ANKS1B: variants seen among roughly 807,000 people sequenced by gnomAD.
ANKS1B encodes the protein ankyrin repeat and sterile alpha motif domain containing 1B.
A neutral mutation model predicts 148.3 loss-of-function variants in ANKS1B; 36 were observed. The observed-to-expected ratio is 0.24, with a 90% CI of 0.19 to 0.32. The LOEUF (loss-of-function observed/expected upper bound fraction) is 0.32. ANKS1B is among the 10% of genes least tolerant of loss of function. The pLI, the probability that ANKS1B is intolerant of heterozygous loss-of-function variation, is 1.00. For missense variants in ANKS1B, 1,157 were observed against 1,542.6 expected (o/e 0.75, Z 4.19); for synonymous variants, 542 against 560.8 (o/e 0.97, Z 0.47).
At chr12:99,294,923 T>C (rs1469616975) in intron 12 of ANKS1B, among the ~76,000 whole-genome samples, 1 of 152,168 alleles carries the variant, frequency 6.6e-6, no homozygotes, top group East Asian at 1.9e-4. Context: ...AAAGAATTAT[T>C]GCACATTTTA....
chr12:99,180,156 A>C (rs1462943988), intron 14 of ANKS1B, among the ~76,000 whole-genome samples: 1 of 152,036 alleles, frequency 6.6e-6, no homozygotes, highest in South Asian at 2.1e-4. Flanking sequence ...AGGTCCTTTC[A>C]TCTCCTCAGC....
chr12:99,218,484 G>A (rs1358918597), intron 14 of ANKS1B, among the ~76,000 whole-genome samples: 1 of 152,122 alleles, frequency 6.6e-6, no homozygotes, highest in Non-Finnish European at 1.5e-5. Flanking sequence ...GAAACAAGGA[G>A]GCAAGCTAAG....
At chr12:99,071,819 C>T (rs2046374370) in intron 16 of ANKS1B, among the ~76,000 whole-genome samples, 2 of 152,026 alleles carry the variant, frequency 1.3e-5, no homozygotes, top group Admixed American at 6.6e-5. Flanking sequence ...GCTACTTTTG[C>T]TATTTTTAGT....
intron 14 of ANKS1B, among the ~76,000 whole-genome samples, chr12:99,175,770 T>C (rs2078307453): frequency 6.6e-6 from 1 of 152,220 alleles, no homozygotes. Flanking sequence ...GTTGCAGGCT[T>C]CCAGGCTCCA....
At chr12:98,738,775 G>A (rs960282074) in intron 9 of ANKS1B, among the ~76,000 whole-genome samples, 3 of 152,164 alleles carry the variant, frequency 2.0e-5, no homozygotes, top group Admixed American at 1.3e-4. Context: ...GGGTCATAAG[G>A]CTTGGTTTCA....
intron 12 of ANKS1B, among the ~76,000 whole-genome samples, chr12:99,286,580 GA>G (rs1192093165): frequency 6.6e-6 from 1 of 152,244 alleles, no homozygotes; most frequent in East Asian, 1.9e-4. Context: ...AGCCACAGTG[GA>G]GTAGAACATC....
chr12:99,805,281 A>AAAAAAAAAAAAAAAAAAAAAC (rs2067484859), intron 4 of ANKS1B, among the ~76,000 whole-genome samples: 1 of 148,142 alleles, frequency 6.8e-6, no homozygotes, highest in African/African-American at 2.5e-5. Context: ...AAAAAAAAAA[A>AAAAAAAAAAAAAAAAAAAAAC]AAAAAAAGAC....
At chr12:99,053,654 C>T (rs1038632438) in intron 16 of ANKS1B, among the ~76,000 whole-genome samples, 3 of 152,134 alleles carry the variant, frequency 2.0e-5, no homozygotes, top group Non-Finnish European at 4.4e-5. Context: ...AAATTCGATG[C>T]GAAAGTCACC....
intron 4 of ANKS1B, 97 bp downstream of exon 4, chr12:99,806,307 T>G: frequency 6.9e-7 from 1 of 1,449,372 alleles, no homozygotes; most frequent in Non-Finnish European, 9.3e-7. Flanking sequence ...TGTGAACAAT[T>G]TGATTAAAAG....
At chr12:99,149,501 G>A (rs2074258134) in intron 15 of ANKS1B, among the ~76,000 whole-genome samples, 1 of 152,122 alleles carries the variant, frequency 6.6e-6, no homozygotes, top group South Asian at 2.1e-4. Flanking sequence ...TGTAAAGGCT[G>A]CATTTTGAAC....
chr12:98,931,991 C>A (rs1431784659), intron 17 of ANKS1B, among the ~76,000 whole-genome samples: 2 of 152,126 alleles, frequency 1.3e-5, no homozygotes, highest in Non-Finnish European at 2.9e-5. Context: ...TCAGGGGTTG[C>A]CTGACAGAGC....
chr12:98,758,780 C>CTTTTT lies in ANKS1B; in HGVS notation c.3580-7263_3580-7259dup, dbSNP rs59375322. Among the ~76,000 whole-genome samples, 331 of 120,614 alleles carry CTTTTT rather than the reference C, an allele frequency of 2.7e-3. 4 individuals carry two copies. Among genetic ancestry groups the CTTTTT allele is most frequent in the Middle Eastern group, 4.8e-3 (1 of 210 alleles). The allele number at this position is 120,614 out of a possible 152,430, so 79.1% of individuals were successfully genotyped here. On this transcript the variant is annotated intron_variant, in intron 25 of 26. Coordinates refer to ENST00000683438, the MANE Select transcript of ANKS1B (RefSeq NM_001352186.2). Reference sequence around the variant, plus strand: ...TTTTTCTTTTCTTTTCTTTTCCTTCCTTTTTTTTTTTTTTTTTTGAGATAG... The same window carrying CTTTTT: ...TTTTTCTTTTCTTTTCTTTTCCTTCCTTTTTTTTTTTTTTTTTTTTTTTGAGATAG...
At chr12:99,973,670 G>T (rs2095589026) in intron 1 of ANKS1B, among the ~76,000 whole-genome samples, 1 of 152,180 alleles carries the variant, frequency 6.6e-6, no homozygotes. Context: ...TCTTATGACT[G>T]ATTTTGAGGG....
In ANKS1B at chr12:99,203,579, T is replaced by C. The variant is rs1201397743; in HGVS notation, c.2419+40763A>G. The stretch of plus-strand genomic sequence containing the variant: ...CATTCTCCTGTCTCAGCCTCCCAAG[T>C]AGCTGGGACTACAGGTGCCCGCCAC... On this transcript the variant is annotated intron_variant, in intron 14 of 26. Coordinates refer to ENST00000683438, the MANE Select transcript of ANKS1B (RefSeq NM_001352186.2). 2.6e-5 allele frequency among the ~76,000 whole-genome samples: 4 copies of C among 152,094 alleles called. No individual in the cohort carries two copies. In the East Asian group the frequency reaches 7.7e-4, roughly 29 times the overall value.
intron 9 of ANKS1B, among the ~76,000 whole-genome samples, chr12:99,551,512 T>G (rs1268741878): frequency 8.5e-6 from 1 of 117,210 alleles, no homozygotes; most frequent in Non-Finnish European, 1.6e-5. Context: ...TACTATGAGT[T>G]GGAAGGAAAG....
chr12:99,771,179 A>G (rs1236096395), intron 8 of ANKS1B, among the ~76,000 whole-genome samples: 1 of 152,128 alleles, frequency 6.6e-6, no homozygotes, highest in African/African-American at 2.4e-5. Flanking sequence ...AAAAATAATT[A>G]GAGCTTCTGT....
At chr12:99,168,671 A>G (rs967574793) in intron 14 of ANKS1B, among the ~76,000 whole-genome samples, 1 of 152,214 alleles carries the variant, frequency 6.6e-6, no homozygotes, top group African/African-American at 2.4e-5. Flanking sequence ...TTGAGGGAAC[A>G]AGCCATTCCA....
intron 12 of ANKS1B, among the ~76,000 whole-genome samples, chr12:99,381,763 C>T (rs2093652509): frequency 6.6e-6 from 1 of 152,152 alleles, no homozygotes; most frequent in Non-Finnish European, 1.5e-5. Context: ...AAACCGACTG[C>T]AACTAGAAGC....
chr12:99,346,330 C>T (rs983204908), intron 12 of ANKS1B, among the ~76,000 whole-genome samples: 5 of 151,042 alleles, frequency 3.3e-5, no homozygotes, highest in African/African-American at 1.2e-4. Context: ...TTAACTTAGC[C>T]ACCTCCCTAA....
Sources: allele counts gnomAD v4.1 joint callset (sites outside exome capture counted in the v4.1 genomes callset), GRCh38; gene constraint gnomAD v4.1.1; transcripts MANE v1.5; gene names NCBI Gene and HGNC (gene_info 2026-07-23, HGNC 2026-07-21).